The following MAGI2 variants were observed in gnomAD, a reference collection of about 807,000 sequenced individuals.
The protein encoded by MAGI2 is membrane associated guanylate kinase, WW and PDZ domain containing 2.
Under a neutral mutation model 133.3 loss-of-function variants are expected in MAGI2, and 35 were observed. That is an observed-to-expected ratio of 0.26 (90% confidence interval 0.20 to 0.35). The LOEUF is 0.35. MAGI2 is among the 10% of genes least tolerant of loss of function. The pLI, the probability that MAGI2 is intolerant of heterozygous loss-of-function variation, is 1.00. For synonymous variants in MAGI2, 729 were observed against 710.6 expected, an observed-to-expected ratio of 1.03 and a Z score of -0.41; for missense variants, 1,636 against 1,863.4, an observed-to-expected ratio of 0.88 and a Z score of 2.25.
At chr7:78,700,835 A>G (rs777486057) in intron 2 of MAGI2, among the ~76,000 whole-genome samples, 1 of 151,872 alleles carries the variant, frequency 6.6e-6, no homozygotes, top group Non-Finnish European at 1.5e-5. Flanking sequence ...TATAGATTCA[A>G]CTTCTCTTAA....
At chr7:78,989,688 C>A (rs535678518) in intron 2 of MAGI2, among the ~76,000 whole-genome samples, 56 of 152,088 alleles carry the variant, frequency 3.7e-4, no homozygotes, top group Admixed American at 3.4e-3. Context: ...ATGCCAAATT[C>A]TTTCTTTCTG....
chr7:78,922,715 T>G (rs185809281), intron 2 of MAGI2, among the ~76,000 whole-genome samples: 105 of 152,174 alleles, frequency 6.9e-4, no homozygotes, highest in East Asian at 4.4e-3. Context: ...CCCAGTAATG[T>G]GATGGCTGGG....
At chr7:79,410,636 C>G (rs974152396) in intron 1 of MAGI2, 2 of 152,008 alleles carry the variant, frequency 1.3e-5, no homozygotes, top group African/African-American at 4.8e-5. Flanking sequence ...GACTAGCTTT[C>G]TATAAAAGCA....
At chr7:78,679,827 G>A (rs75789529) in intron 2 of MAGI2, among the ~76,000 whole-genome samples, 1,637 of 152,148 alleles carry the variant, frequency 0.011, 39 homozygotes, top group African/African-American at 0.035. Flanking sequence ...AGGAAATTGT[G>A]CCCTAGATTA....
intron 21 of MAGI2, among the ~76,000 whole-genome samples, chr7:78,067,810 G>T (rs920558856): frequency 1.3e-5 from 2 of 152,138 alleles, no homozygotes; most frequent in African/African-American, 4.8e-5. Flanking sequence ...AGGACATTGG[G>T]GCAATGCTAA....
At chr7:79,033,615 C>T (rs1810820329) in intron 1 of MAGI2, among the ~76,000 whole-genome samples, 1 of 152,128 alleles carries the variant, frequency 6.6e-6, no homozygotes, top group Non-Finnish European at 1.5e-5. Flanking sequence ...TATTAATTTG[C>T]ATTAGGAATC....
intron 2 of MAGI2, among the ~76,000 whole-genome samples, chr7:78,935,162 T>C (rs1042774305): frequency 6.6e-6 from 1 of 152,150 alleles, no homozygotes; most frequent in Non-Finnish European, 1.5e-5. Context: ...AAATGACAAA[T>C]CACACCACAA....
Position 79,204,843 on chromosome 7 carries a change from C to A in MAGI2, c.302-197637G>T, listed in dbSNP as rs117717287. 1.7e-3 allele frequency among the ~76,000 whole-genome samples: 265 copies of A among 151,828 alleles called. 6 individuals carry two copies. The East Asian group carries it at 0.038, about 22-fold the overall frequency. On this transcript the variant is annotated intron_variant, in intron 1 of 21. Coordinates refer to ENST00000354212, the MANE Select transcript of MAGI2 (RefSeq NM_012301.4). ...ACAATGAATGAAATGAAAACTGCAA[C>A]CGAAATCATCAATAACAGAATTGAC...
intron 2 of MAGI2, among the ~76,000 whole-genome samples, chr7:78,789,995 T>A (rs1439504739): frequency 6.6e-6 from 1 of 152,138 alleles, no homozygotes; most frequent in Non-Finnish European, 1.5e-5. Flanking sequence ...AGCATATAAG[T>A]TCTGTTTACA....
intron 1 of MAGI2, among the ~76,000 whole-genome samples, chr7:79,364,358 T>C (rs1842556269): frequency 6.6e-6 from 1 of 152,048 alleles, no homozygotes; most frequent in African/African-American, 2.4e-5. Context: ...ATGTCTCACC[T>C]GAAAAAATAA....
intron 2 of MAGI2, among the ~76,000 whole-genome samples, chr7:78,944,840 G>A (rs1036387691): frequency 1.3e-4 from 19 of 151,700 alleles, no homozygotes; most frequent in Admixed American, 8.5e-4. Context: ...AAGCTCAAAC[G>A]ATCCCCCCAC....
At chr7:78,695,515 C>G (rs925992690) in intron 2 of MAGI2, among the ~76,000 whole-genome samples, 19 of 152,186 alleles carry the variant, frequency 1.2e-4, no homozygotes, top group African/African-American at 4.3e-4. Flanking sequence ...TTCCTCCAGG[C>G]TAAAGAGTCT....
intron 3 of MAGI2, among the ~76,000 whole-genome samples, chr7:78,544,039 C>G (rs75166293): frequency 0.026 from 3,939 of 152,292 alleles, 109 homozygotes; most frequent in South Asian, 0.13. Context: ...AGGAAACAAT[C>G]TCTATGCTTT....
intron 9 of MAGI2, among the ~76,000 whole-genome samples, chr7:78,279,344 G>T (rs1324226280): frequency 1.3e-5 from 2 of 152,140 alleles, no homozygotes; most frequent in Non-Finnish European, 2.9e-5. Context: ...GGATAAACTG[G>T]CACGTCTAAG....
intron 2 of MAGI2, among the ~76,000 whole-genome samples, chr7:78,774,118 G>A (rs764092833): frequency 6.6e-6 from 1 of 152,170 alleles, no homozygotes; most frequent in Non-Finnish European, 1.5e-5. Flanking sequence ...ATCACCTGTA[G>A]AGATTTTAAC....
intron 1 of MAGI2, among the ~76,000 whole-genome samples, chr7:79,015,525 T>G (rs771270817): frequency 6.6e-6 from 1 of 152,134 alleles, no homozygotes; most frequent in African/African-American, 2.4e-5. Context: ...AGAAATTCCC[T>G]GGCAAATCTC....
At chr7:79,203,363 G>T (rs1419933740) in intron 1 of MAGI2, among the ~76,000 whole-genome samples, 1 of 151,906 alleles carries the variant, frequency 6.6e-6, no homozygotes, top group Non-Finnish European at 1.5e-5. Flanking sequence ...TAGAAACAAT[G>T]TCAAATTATT....
intron 2 of MAGI2, among the ~76,000 whole-genome samples, chr7:78,760,851 G>A (rs1455627325): frequency 6.6e-6 from 1 of 152,036 alleles, no homozygotes; most frequent in Non-Finnish European, 1.5e-5. Context: ...AGGTACCTGA[G>A]GCAAACACCT....
intron 1 of MAGI2, among the ~76,000 whole-genome samples, chr7:79,314,503 G>A (rs761935372): frequency 9.9e-5 from 15 of 152,158 alleles, no homozygotes; most frequent in Non-Finnish European, 1.5e-4. Flanking sequence ...TATGTCACAC[G>A]CATTAAGCCC....
Sources: allele counts gnomAD v4.1 joint callset (sites outside exome capture counted in the v4.1 genomes callset), GRCh38; gene constraint gnomAD v4.1.1; transcripts MANE v1.5; gene names NCBI Gene and HGNC (gene_info 2026-07-23, HGNC 2026-07-21).